The following TRPC5 variants were observed in gnomAD, a reference collection of about 807,000 sequenced individuals.
The protein encoded by TRPC5 is transient receptor potential cation channel subfamily C member 5, also known as short transient receptor potential channel 5.
Under a neutral mutation model 56.5 loss-of-function variants are expected in TRPC5, and 9 were observed. The ratio of observed to expected loss-of-function variants is 0.16; its 90% CI spans 0.10 to 0.28. TRPC5 has a LOEUF of 0.28. TRPC5 is among the 10% of genes least tolerant of loss of function. The pLI is 1.00. For synonymous variants in TRPC5, 282 were observed against 278.5 expected (o/e 1.01, Z -0.13); for missense variants, 469 against 748.9 (o/e 0.63, Z 4.36).
At position 112,081,904 on chromosome X, in the gene TRPC5, A is replaced by C. The variant is rs3027697; in HGVS notation, c.-47T>G. On this transcript the variant is annotated 5_prime_UTR_variant, in exon 1 of 11. Coordinates refer to ENST00000262839, the MANE Select transcript of TRPC5 (RefSeq NM_012471.3). ...CCTGAGCCAAGTGGTTTTTTCGGATAAAATCTGTGTCGTCTGGATGTCCAC... is the reference window on the plus strand; with the variant it reads ...CCTGAGCCAAGTGGTTTTTTCGGATCAAATCTGTGTCGTCTGGATGTCCAC... 0.096 allele frequency: 10,686 copies of C among 111,376 alleles called. 1,270 individuals are homozygous for C. The highest frequency in any genetic ancestry group is 0.33 in the African/African-American group (10,050 of 30,337). 9.2% of individuals were successfully genotyped at this position (111,376 alleles called of 1,213,427 possible). A position where few individuals can be genotyped will look rare whatever the true frequency, so the allele number is the denominator to read the frequency against.
intron 1 of TRPC5, among the ~76,000 whole-genome samples, chrX:111,972,753 T>A (rs1310170634): frequency 8.9e-6 from 1 of 112,024 alleles, no homozygotes; most frequent in Non-Finnish European, 1.9e-5. Flanking sequence ...TGAGAAAAAA[T>A]ATTATCTTGA....
intron 7 of TRPC5, among the ~76,000 whole-genome samples, chrX:111,797,677 A>C (rs1018621731): frequency 8.9e-6 from 1 of 111,995 alleles, no homozygotes; most frequent in South Asian, 3.7e-4. Context: ...TTGTAATTCT[A>C]TATATTTTAT....
At chrX:111,884,062 T>G (rs759425848) in intron 3 of TRPC5, among the ~76,000 whole-genome samples, 12 of 112,212 alleles carry the variant, frequency 1.1e-4, no homozygotes, top group Non-Finnish European at 2.1e-4. Flanking sequence ...TAAGGTGAAG[T>G]CAGAGCCTAG....
chrX:112,037,258 T>C (rs1305928303), intron 1 of TRPC5, among the ~76,000 whole-genome samples: 1 of 111,589 alleles, frequency 9.0e-6, no homozygotes, highest in Non-Finnish European at 1.9e-5. Flanking sequence ...GGATCTTCTC[T>C]TAGACCCTAC....
chrX:111,981,396 A>G (rs1296891763), intron 1 of TRPC5, among the ~76,000 whole-genome samples: 1 of 111,538 alleles, frequency 9.0e-6, no homozygotes, highest in East Asian at 2.8e-4. Context: ...CACACATAAC[A>G]GGGGCAATCT....
In TRPC5 at chrX:111,917,225, T is replaced by C. The variant is rs751852538; in HGVS notation, c.379-4413A>G. On this transcript the variant is annotated intron_variant, in intron 2 of 10. Transcript: ENST00000262839. ...GCTACCAATATGACATCCTGGAACA[T>C]GGAGTTGGGAAGAGGAGCAGATAAC... Among the ~76,000 whole-genome samples, 3 of 112,405 alleles carry C rather than the reference T, an allele frequency of 2.7e-5. No individual in the cohort carries two copies. The East Asian group carries it at 8.4e-4, about 31-fold the overall frequency.
intron 1 of TRPC5, among the ~76,000 whole-genome samples, chrX:112,079,071 G>C (rs1400322041): frequency 8.9e-6 from 1 of 111,766 alleles, no homozygotes; most frequent in Non-Finnish European, 1.9e-5. Context: ...AAATGACTGG[G>C]CCAGATTAGG....
chrX:112,008,599 C>CAAAAAAAAA (rs771663324), intron 1 of TRPC5, among the ~76,000 whole-genome samples: 6 of 74,038 alleles, frequency 8.1e-5, no homozygotes, highest in African/African-American at 2.7e-4. Context: ...GACTCTGTCT[C>CAAAAAAAAA]AAAAAAAAAA....
chrX:112,003,573 G>A (rs1928755873), intron 1 of TRPC5, among the ~76,000 whole-genome samples: 1 of 110,204 alleles, frequency 9.1e-6, no homozygotes, highest in African/African-American at 3.3e-5. Context: ...ATAGGGGTGG[G>A]GAGTGCTGGT....
chrX:111,952,504 G>A, intron 1 of TRPC5, 63 bp from the exon 2 acceptor site: 1 of 1,065,110 alleles, frequency 9.4e-7, no homozygotes, highest in Non-Finnish European at 1.3e-6. Flanking sequence ...CAAGTGGCCA[G>A]TTATGGAGGC....
At chrX:111,782,361 G>T (rs898784560) in intron 7 of TRPC5, among the ~76,000 whole-genome samples, 1 of 111,689 alleles carries the variant, frequency 9.0e-6, no homozygotes, top group Non-Finnish European at 1.9e-5. Flanking sequence ...CTGTAGCACA[G>T]ATAATAGTAG....
At chrX:111,836,692 T>C (rs1297988946) in intron 6 of TRPC5, among the ~76,000 whole-genome samples, 1 of 112,629 alleles carries the variant, frequency 8.9e-6, no homozygotes, top group Non-Finnish European at 1.9e-5. Flanking sequence ...CGTCCCTCTC[T>C]ACTATAATGT....
intron 2 of TRPC5, among the ~76,000 whole-genome samples, chrX:111,920,374 G>A (rs1358420365): frequency 2.7e-5 from 3 of 111,548 alleles, no homozygotes; most frequent in Non-Finnish European, 5.7e-5. Context: ...TATGGAAACC[G>A]TAAGAGCACC....
rs756400654 is a variant in TRPC5, at chrX:111,780,004, GAGAGGAGGTTT to G, written c.2143-941_2143-931del. Among the ~76,000 whole-genome samples the G allele has an allele frequency of 3.9e-4, 44 of 111,997 alleles. No homozygotes were observed. In the South Asian group the frequency reaches 0.016, roughly 40 times the overall value. Reference sequence around the variant, plus strand: ...AATAACATTTGAAGGCGGGAGTAGGGAGAGGAGGTTTACATACAAAATACCATATTTTCTGC... The same window carrying G: ...AATAACATTTGAAGGCGGGAGTAGGGACATACAAAATACCATATTTTCTGC... On this transcript the variant is annotated intron_variant, in intron 9 of 10. Coordinates refer to ENST00000262839, the MANE Select transcript of TRPC5 (RefSeq NM_012471.3).
intron 3 of TRPC5, among the ~76,000 whole-genome samples, chrX:111,858,697 G>C (rs1971002): frequency 0.028 from 3,129 of 110,854 alleles, 96 homozygotes; most frequent in African/African-American, 0.096. Flanking sequence ...GAAGGGAAAG[G>C]AATGTGCTTA....
At chrX:111,989,525 T>G (rs1458556795) in intron 1 of TRPC5, among the ~76,000 whole-genome samples, 2 of 111,852 alleles carry the variant, frequency 1.8e-5, no homozygotes, top group African/African-American at 3.3e-5. Context: ...TTGGACCAAT[T>G]AAGACTTTCA....
chrX:111,860,147 A>G (rs1476459206), intron 3 of TRPC5, among the ~76,000 whole-genome samples: 1 of 112,625 alleles, frequency 8.9e-6, no homozygotes, highest in African/African-American at 3.2e-5. Flanking sequence ...TGACCTCGTG[A>G]TCCGCCCACC....
intron 3 of TRPC5, among the ~76,000 whole-genome samples, chrX:111,906,353 TA>T (rs67157977): frequency 1.0e-5 from 1 of 98,422 alleles, no homozygotes; most frequent in African/African-American, 3.6e-5. Flanking sequence ...AAACTCTGTT[TA>T]AAAAAACAAA....
Position 111,769,000 on chromosome X carries a change from C to T in TRPC5, c.*7313G>A, listed in dbSNP as rs1945828845. 8.9e-6 allele frequency among the ~76,000 whole-genome samples: 1 copy of T among 112,178 alleles called. No homozygotes were observed. Among genetic ancestry groups the T allele is most frequent in the Admixed American group, 9.4e-5 (1 of 10,600 alleles). ...TGAGGCTATACTTTAAATACCATGA[C>T]TAGATCTTATACAGGAAATACTTAA... is the stretch of plus-strand genomic sequence containing the variant. On this transcript the variant is annotated 3_prime_UTR_variant, in exon 11 of 11. Coordinates refer to ENST00000262839, the MANE Select transcript of TRPC5 (RefSeq NM_012471.3).
Sources: gnomAD v4.1 joint callset for allele counts (sites outside exome capture counted in the v4.1 genomes callset) on GRCh38, gnomAD v4.1.1 for gene constraint, MANE v1.5 for transcripts, NCBI Gene and HGNC (gene_info 2026-07-23, HGNC 2026-07-21) for gene names.